Variants in PRKN observed in about 807,000 individuals in gnomAD.
The protein encoded by PRKN is parkin RBR E3 ubiquitin protein ligase.
A neutral mutation model predicts 59.5 loss-of-function variants in PRKN; 56 were observed. The observed-to-expected ratio is 0.94, with a 90% CI of 0.76 to 1.18. The LOEUF is 1.18. PRKN is among the 50% of genes most tolerant of loss of function. PRKN has a pLI of 0.00. For missense variants in PRKN, 657 were observed against 596.4 expected, an observed-to-expected ratio of 1.10 and a Z score of -1.06; for synonymous variants, 250 against 222.1, an observed-to-expected ratio of 1.13 and a Z score of -1.12.
intron 4 of PRKN, among the ~76,000 whole-genome samples, chr6:162,194,857 A>G (rs1784429369): frequency 6.6e-6 from 1 of 152,048 alleles, no homozygotes; most frequent in Admixed American, 6.6e-5. Context: ...AGTGTGCATC[A>G]TTTGTGTGTG....
chr6:162,448,894 CCTCT>C (rs112625480), intron 1 of PRKN, among the ~76,000 whole-genome samples: 62 of 141,438 alleles, frequency 4.4e-4, no homozygotes, highest in Middle Eastern at 3.6e-3. Flanking sequence ...TCTCTCCCTT[CCTCT>C]CTCTCTCTCT....
At chr6:162,636,941 G>A (rs1230968039) in intron 1 of PRKN, among the ~76,000 whole-genome samples, 3 of 151,650 alleles carry the variant, frequency 2.0e-5, no homozygotes, top group Non-Finnish European at 2.9e-5. Context: ...GCCTGGCAAC[G>A]GAGCGAGATT....
chr6:162,059,836 G>A (rs1464138628), intron 4 of PRKN, among the ~76,000 whole-genome samples: 1 of 152,040 alleles, frequency 6.6e-6, no homozygotes, highest in Non-Finnish European at 1.5e-5. Context: ...ATGGGCTGCT[G>A]GCCAAATCCC....
chr6:162,069,404 T>A (rs1182852631), intron 4 of PRKN, among the ~76,000 whole-genome samples: 1 of 152,186 alleles, frequency 6.6e-6, no homozygotes, highest in Non-Finnish European at 1.5e-5. Context: ...GGTATGTCTT[T>A]ATCAGCAGTG....
chr6:161,571,768 A>G (rs1780898796), intron 7 of PRKN, among the ~76,000 whole-genome samples: 1 of 152,114 alleles, frequency 6.6e-6, no homozygotes, highest in African/African-American at 2.4e-5. Flanking sequence ...TCTGGGAGAG[A>G]CTGGCATCTG....
In PRKN at chr6:162,094,869, C is replaced by G. The variant is rs569512714; in HGVS notation, c.535-40695G>C. On this transcript the variant is annotated intron_variant, in intron 4 of 11. Coordinates refer to ENST00000366898, the MANE Select transcript of PRKN (RefSeq NM_004562.3). ...TTTAGACATTTCCTATTCAGAGAAA[C>G]ATTATGAAGCCTTCTATTTTGTGTA... Among the ~76,000 whole-genome samples, 5 of 152,198 alleles carry G rather than the reference C, an allele frequency of 3.3e-5. No homozygotes were observed. In the South Asian group the frequency reaches 1.0e-3, roughly 32 times the overall value.
intron 2 of PRKN, among the ~76,000 whole-genome samples, chr6:162,321,175 G>C (rs1783006422): frequency 6.6e-6 from 1 of 151,800 alleles, no homozygotes; most frequent in Non-Finnish European, 1.5e-5. Flanking sequence ...ACCAATGTCA[G>C]AAACAAGAGA....
intron 7 of PRKN, among the ~76,000 whole-genome samples, chr6:161,743,688 C>T (rs1788293769): frequency 6.6e-6 from 1 of 152,072 alleles, no homozygotes. Flanking sequence ...CTGCCGGGCA[C>T]ACCGTGAGCC....
chr6:161,418,692 G>T (rs1173028035), intron 9 of PRKN, among the ~76,000 whole-genome samples: 1 of 152,186 alleles, frequency 6.6e-6, no homozygotes, highest in African/African-American at 2.4e-5. Flanking sequence ...CTGGGAAAAA[G>T]ATTATTTTCT....
At chr6:162,638,222 C>T (rs1190579508) in intron 1 of PRKN, among the ~76,000 whole-genome samples, 1 of 105,438 alleles carries the variant, frequency 9.5e-6, no homozygotes, top group African/African-American at 4.6e-5. Flanking sequence ...TTATTACTAC[C>T]CCTTCAACTT....
rs1191268082 is a variant in PRKN, at chr6:161,785,771, C to T, written c.871+1G>A. 1 of 1,613,746 alleles carries T rather than the reference C, an allele frequency of 6.2e-7. No individual in the cohort carries two copies. The highest frequency in any genetic ancestry group is 1.1e-5 in the South Asian group (1 of 90,980). On this transcript the variant is annotated splice_donor_variant, in intron 7 of 11. Transcript: ENST00000366898. LOFTEE classifies it high-confidence loss of function. The stretch of plus-strand genomic sequence containing the variant: ...ATGGAGAGAAAACATGCTAGACTTA[C>T]CCACACAAGGCAGGGAGTAGCCAAG...
chr6:161,395,259 G>A lies in PRKN; in HGVS notation c.1084-8382C>T, dbSNP rs573265740. On this transcript the variant is annotated intron_variant, in intron 9 of 11. Coordinates refer to ENST00000366898, the MANE Select transcript of PRKN (RefSeq NM_004562.3). This position sits in a 1 kb window ranked among gnomAD's most constrained non-coding sequence, Gnocchi z 5.0. Reference sequence around the variant, plus strand: ...GCTGTACTCTGCTTGTTGGTTTTTCGTTTAATGCATGCTACAGATGGCTGT... The same window carrying A: ...GCTGTACTCTGCTTGTTGGTTTTTCATTTAATGCATGCTACAGATGGCTGT... 1.2e-4 allele frequency among the ~76,000 whole-genome samples: 18 copies of A among 152,160 alleles called. No individual in the cohort carries two copies. Among genetic ancestry groups the A allele is most frequent in the Non-Finnish European group, 2.2e-4 (15 of 68,010 alleles).
intron 9 of PRKN, among the ~76,000 whole-genome samples, chr6:161,403,067 G>A (rs1229223068): frequency 5.3e-5 from 8 of 152,096 alleles, no homozygotes; most frequent in Admixed American, 5.2e-4. Flanking sequence ...ATATTTTGAG[G>A]TGGCATTTCC....
At chr6:161,816,654 G>A (rs1445012007) in intron 6 of PRKN, among the ~76,000 whole-genome samples, 2 of 152,002 alleles carry the variant, frequency 1.3e-5, no homozygotes, top group East Asian at 3.9e-4. Context: ...TCACACCCCA[G>A]GAGTTGGAGG....
chr6:161,830,626 G>C (rs908744052), intron 6 of PRKN, among the ~76,000 whole-genome samples: 1 of 152,062 alleles, frequency 6.6e-6, no homozygotes, highest in Non-Finnish European at 1.5e-5. Context: ...ACATTTATTA[G>C]ATTTTCCTTT....
chr6:161,808,059 A>G (rs867087029), intron 6 of PRKN, among the ~76,000 whole-genome samples: 16 of 152,296 alleles, frequency 1.1e-4, no homozygotes, highest in African/African-American at 3.1e-4. Context: ...GACTTAATCT[A>G]TTCATTTCTA....
chr6:162,020,861 T>C (rs1415861134), intron 5 of PRKN, among the ~76,000 whole-genome samples: 5 of 151,862 alleles, frequency 3.3e-5, no homozygotes, highest in Non-Finnish European at 7.4e-5. Flanking sequence ...TCCCAGCACT[T>C]TGGGAAGCCA....
chr6:161,613,258 C>T (rs1217427500), intron 7 of PRKN, among the ~76,000 whole-genome samples: 1 of 152,230 alleles, frequency 6.6e-6, no homozygotes, highest in East Asian at 1.9e-4. Flanking sequence ...GTATTGGAAA[C>T]CACAGAAGAA....
intron 5 of PRKN, among the ~76,000 whole-genome samples, chr6:161,977,769 A>T (rs367593506): frequency 1.3e-5 from 2 of 151,552 alleles, no homozygotes; most frequent in Non-Finnish European, 2.9e-5. Context: ...GGATGGTCTC[A>T]ATCTCCTGAC....
Sources: gnomAD v4.1 joint callset for allele counts (sites outside exome capture counted in the v4.1 genomes callset) on GRCh38, gnomAD v4.1.1 for gene constraint, Gnocchi (gnomAD v3.1) non-coding constraint, MANE v1.5 for transcripts, NCBI Gene and HGNC (gene_info 2026-07-23, HGNC 2026-07-21) for gene names.